Variants in CR1L observed in about 807,000 individuals in gnomAD.
CR1L encodes the protein complement C3b/C4b receptor 1 like, also known as complement component receptor 1-like protein.
In CR1L, 59 loss-of-function variants were observed where a neutral mutation model predicts 62.3. The ratio of observed to expected loss-of-function variants is 0.95; its 90% CI spans 0.77 to 1.18. CR1L has a LOEUF of 1.18. Among genes scored for constraint, CR1L ranks in the 50% most tolerant of loss-of-function variants. CR1L has a pLI of 0.00. For missense variants in CR1L, 700 were observed against 702.8 expected, an observed-to-expected ratio of 1.00 and a Z score of 0.04; for synonymous variants, 279 against 248.7, an observed-to-expected ratio of 1.12 and a Z score of -1.15.
intron 1 of CR1L, among the ~76,000 whole-genome samples, chr1:207,654,350 C>G (rs1663273176): frequency 6.6e-6 from 1 of 152,110 alleles, no homozygotes; most frequent in South Asian, 2.1e-4. Context: ...ATAGAGCTTG[C>G]TAGGCACTAT....
At chr1:207,715,426 T>C (rs1653971164) in intron 10 of CR1L, 10 of 1,411,958 alleles carry the variant, frequency 7.1e-6, no homozygotes, top group Non-Finnish European at 9.9e-6. Context: ...GTAGTTTGGA[T>C]AGCTCTCCTT....
At chr1:207,646,059 C>T (rs894754542) in intron 1 of CR1L, among the ~76,000 whole-genome samples, 1 of 150,410 alleles carries the variant, frequency 6.6e-6, no homozygotes, top group East Asian at 2.0e-4. Context: ...TTAGTGCCTT[C>T]TGTGAACAGT....
chr1:207,663,705 C>T lies in CR1L; in HGVS notation c.98-13684C>T, dbSNP rs551950835. Among the ~76,000 whole-genome samples the T allele has an allele frequency of 3.9e-5, 6 of 152,308 alleles. No homozygotes were observed. In the South Asian group the frequency reaches 8.3e-4, roughly 21 times the overall value. On this transcript the variant is annotated intron_variant, in intron 1 of 11. Coordinates refer to ENST00000508064, the MANE Select transcript of CR1L (RefSeq NM_175710.2). Reference sequence around the variant, plus strand: ...CTCAGTTGGAAATGCAGAAATCACCCGTCTTCTGTGTCGCTCACACTGGGA... The same window carrying T: ...CTCAGTTGGAAATGCAGAAATCACCTGTCTTCTGTGTCGCTCACACTGGGA...
intron 1 of CR1L, among the ~76,000 whole-genome samples, chr1:207,648,794 CA>C (rs1247242731): frequency 1.3e-5 from 2 of 152,194 alleles, no homozygotes; most frequent in African/African-American, 4.8e-5. Context: ...AAGAGCAGTC[CA>C]TATCTGGTCA....
chr1:207,655,378 AAG>A, intron 1 of CR1L: 1 of 359,012 alleles, frequency 2.8e-6, no homozygotes, highest in Non-Finnish European at 5.2e-6. Context: ...AAAGATCCCA[AAG>A]AGGTTTCTTT....
At chr1:207,720,818 G>A (rs187618212) in intron 11 of CR1L, among the ~76,000 whole-genome samples, 220 of 152,260 alleles carry the variant, frequency 1.4e-3, no homozygotes, top group African/African-American at 4.7e-3. Flanking sequence ...ATTAAACTAT[G>A]TGACACTCAT....
At chr1:207,678,977 C>A (rs1259593679) in intron 3 of CR1L, among the ~76,000 whole-genome samples, 4 of 149,996 alleles carry the variant, frequency 2.7e-5, no homozygotes, top group Non-Finnish European at 5.9e-5. Flanking sequence ...CTTATCTGTG[C>A]ATGTCTGTGT....
intron 10 of CR1L, chr1:207,715,494 T>A: frequency 3.0e-6 from 2 of 673,934 alleles, no homozygotes; most frequent in Non-Finnish European, 5.0e-6. Context: ...TTTACTTAAC[T>A]AAATTACTGA....
At chr1:207,647,013 C>A (rs145598011) in intron 1 of CR1L, among the ~76,000 whole-genome samples, 1 of 131,606 alleles carries the variant, frequency 7.6e-6, no homozygotes, top group Non-Finnish European at 1.7e-5. Context: ...CCTTTTTTTA[C>A]TATTTGTTTA....
chr1:207,656,549 C>T (rs1359175386), intron 1 of CR1L, among the ~76,000 whole-genome samples: 3 of 152,044 alleles, frequency 2.0e-5, no homozygotes, highest in South Asian at 2.1e-4. Context: ...TTAATTGGCT[C>T]GTGATTCTAC....
At chr1:207,655,737 C>T (rs972653323) in intron 1 of CR1L, among the ~76,000 whole-genome samples, 8 of 152,184 alleles carry the variant, frequency 5.3e-5, no homozygotes, top group Admixed American at 5.2e-4. Context: ...CCCACCTGGC[C>T]TGATTAATTT....
At chr1:207,677,138 A>G (rs1663703851) in intron 1 of CR1L, among the ~76,000 whole-genome samples, 1 of 151,924 alleles carries the variant, frequency 6.6e-6, no homozygotes, top group Non-Finnish European at 1.5e-5. Context: ...CCTGGCCAAC[A>G]CGGTGAAACC....
At chr1:207,673,022 G>T (rs1663637116) in intron 1 of CR1L, among the ~76,000 whole-genome samples, 1 of 152,122 alleles carries the variant, frequency 6.6e-6, no homozygotes, top group African/African-American at 2.4e-5. Flanking sequence ...CACCCTCCCT[G>T]CAAAGACACA....
At chr1:207,667,054 A>T (rs1199241142) in intron 1 of CR1L, among the ~76,000 whole-genome samples, 1 of 152,044 alleles carries the variant, frequency 6.6e-6, no homozygotes, top group Non-Finnish European at 1.5e-5. Context: ...TATATTCCCA[A>T]TCTTTTCCTA....
rs1411674736 is a variant in CR1L at position 207,717,347 on chromosome 1, T to A, written c.1415-117T>A. On this transcript the variant is annotated intron_variant, in intron 10 of 11. Coordinates refer to ENST00000508064, the MANE Select transcript of CR1L (RefSeq NM_175710.2). ...CAGATTTAAATTCCATCCACCTTAGTTATAGTCTTTCTAAAAGAAAAAAAA... is the reference window on the plus strand; with the variant it reads ...CAGATTTAAATTCCATCCACCTTAGATATAGTCTTTCTAAAAGAAAAAAAA... 10 of 1,174,564 alleles carry A rather than the reference T, an allele frequency of 8.5e-6. No homozygotes were observed. In the East Asian group the frequency reaches 2.6e-4, roughly 30 times the overall value. The allele number at this position is 1,174,564 out of a possible 1,614,324, so 72.8% of individuals were successfully genotyped here.
At chr1:207,723,533 G>A (rs1184548279) in intron 11 of CR1L, 85 bp from the exon 12 acceptor site, 1 of 1,152,146 alleles carries the variant, frequency 8.7e-7, no homozygotes, top group Non-Finnish European at 1.2e-6. Context: ...ATAAAAATCA[G>A]GATAAATTGT....
chr1:207,653,770 G>T (rs1236578136), intron 1 of CR1L, among the ~76,000 whole-genome samples: 1 of 150,992 alleles, frequency 6.6e-6, no homozygotes, highest in African/African-American at 2.5e-5. Flanking sequence ...CTTTTAGAGA[G>T]TAAATGTAAT....
intron 10 of CR1L, among the ~76,000 whole-genome samples, chr1:207,712,688 G>A (rs1664377449): frequency 6.6e-6 from 1 of 152,166 alleles, no homozygotes; most frequent in African/African-American, 2.4e-5. Flanking sequence ...GACCCCTGAA[G>A]CCCCCAGATG....
chr1:207,713,027 T>A (rs1664383184), intron 10 of CR1L, among the ~76,000 whole-genome samples: 1 of 151,856 alleles, frequency 6.6e-6, no homozygotes, highest in South Asian at 2.1e-4. Flanking sequence ...GCTGACCTAG[T>A]AGATAAGAAG....
Sources: gnomAD v4.1 joint callset for allele counts (sites outside exome capture counted in the v4.1 genomes callset) on GRCh38, gnomAD v4.1.1 for gene constraint, MANE v1.5 for transcripts, NCBI Gene and HGNC (gene_info 2026-07-23, HGNC 2026-07-21) for gene names.